Variants in PDE4D observed in about 807,000 individuals in gnomAD.
The protein encoded by PDE4D is phosphodiesterase 4D.
A neutral mutation model predicts 87.4 loss-of-function variants in PDE4D; 24 were observed. The ratio of observed to expected loss-of-function variants is 0.27; its 90% CI spans 0.20 to 0.39. The LOEUF (loss-of-function observed/expected upper bound fraction) is 0.39, where lower values mean the gene tolerates loss of function less well. Ranked by LOEUF, PDE4D falls within the 10% of genes least tolerant of loss-of-function variation. The pLI, the probability that PDE4D is intolerant of heterozygous loss-of-function variation, is 1.00. For missense variants in PDE4D, 714 were observed against 1,041.0 expected (o/e 0.69, Z 4.32); for synonymous variants, 384 against 383.2 (o/e 1.00, Z -0.02).
chr5:60,218,374 T>C (rs1389110040), intron 1 of PDE4D, among the ~76,000 whole-genome samples: 3 of 151,962 alleles, frequency 2.0e-5, no homozygotes, highest in African/African-American at 7.2e-5. Context: ...TGGGAAGGGA[T>C]GAGAAGAGAT....
At chr5:59,385,374 C>G (rs1286666259) in intron 1 of PDE4D, among the ~76,000 whole-genome samples, 2 of 152,186 alleles carry the variant, frequency 1.3e-5, no homozygotes, top group Admixed American at 6.5e-5. Context: ...TGTCTTTACA[C>G]TAGTTCATAG....
rs552455461 is a variant in PDE4D at position 59,837,796 on chromosome 5, A to G, written c.455+55372T>C. 3.3e-5 allele frequency among the ~76,000 whole-genome samples: 5 copies of G among 152,210 alleles called. No homozygotes were observed. In the South Asian group the frequency reaches 1.0e-3, roughly 32 times the overall value. On this transcript the variant is annotated intron_variant, in intron 1 of 14. Coordinates refer to ENST00000340635, the MANE Select transcript of PDE4D (RefSeq NM_001104631.2). Reference sequence around the variant, plus strand: ...TGCAGTTGTGGCAAGAATAACTAGGACACCATTGCTCCTTAAAGATGAAAG... The same window carrying G: ...TGCAGTTGTGGCAAGAATAACTAGGGCACCATTGCTCCTTAAAGATGAAAG...
At chr5:59,181,381 C>T (rs1206015702) in intron 4 of PDE4D, among the ~76,000 whole-genome samples, 2 of 151,368 alleles carry the variant, frequency 1.3e-5, no homozygotes, top group Non-Finnish European at 2.9e-5. Context: ...ACAATGCATC[C>T]AGTATTCCGT....
At chr5:60,404,458 T>C (rs1741371721) in intron 1 of PDE4D, among the ~76,000 whole-genome samples, 1 of 152,154 alleles carries the variant, frequency 6.6e-6, no homozygotes, top group Non-Finnish European at 1.5e-5. Context: ...ACAACTTCAG[T>C]GGCCTAAAGC....
At chr5:60,406,320 A>G (rs1420812465) in intron 1 of PDE4D, among the ~76,000 whole-genome samples, 1 of 152,164 alleles carries the variant, frequency 6.6e-6, no homozygotes, top group African/African-American at 2.4e-5. Flanking sequence ...TTAAAACTAA[A>G]AGGAGGAACC....
chr5:59,963,751 C>G (rs967082178), intron 3 of PDE4D, among the ~76,000 whole-genome samples: 1 of 152,048 alleles, frequency 6.6e-6, no homozygotes, highest in African/African-American at 2.4e-5. Context: ...ATATAACACC[C>G]TCTTCTCACT....
chr5:59,147,218 C>T lies in PDE4D; in HGVS notation c.808+33377G>A, dbSNP rs138619988. On this transcript the variant is annotated intron_variant, in intron 5 of 14. Transcript: ENST00000340635. ...TGTATAGCTACAACACTCAAGAATA[C>T]ATGGCAGTTCCATTTAAATTTTAAA... Among the ~76,000 whole-genome samples the T allele has an allele frequency of 4.1e-3, 623 of 152,300 alleles. 8 individuals are homozygous for T. The highest frequency in any genetic ancestry group is 0.014 in the African/African-American group (594 of 41,564).
intron 2 of PDE4D, among the ~76,000 whole-genome samples, chr5:60,172,174 C>G (rs1783518177): frequency 6.9e-6 from 1 of 145,942 alleles, no homozygotes; most frequent in Non-Finnish European, 1.5e-5. Context: ...TTGGTGAGGT[C>G]CTCAATAAAT....
chr5:59,069,177 T>C lies in PDE4D; in HGVS notation c.809-30206A>G, dbSNP rs116616947. 4.5e-3 allele frequency among the ~76,000 whole-genome samples: 685 copies of C among 152,294 alleles called. 3 individuals are homozygous for C. The highest frequency in any genetic ancestry group is 8.6e-3 in the Admixed American group (132 of 15,288). ...ATAAAGCAAGCATTCCAAAAATCAA[T>C]TTAAATCCATCTTCCTCCTTATACC... On this transcript the variant is annotated intron_variant, in intron 5 of 14. Transcript: ENST00000340635.
chr5:59,358,249 A>G (rs1203309874), intron 1 of PDE4D, among the ~76,000 whole-genome samples: 1 of 152,218 alleles, frequency 6.6e-6, no homozygotes, highest in Non-Finnish European at 1.5e-5. Flanking sequence ...CTTATCAGAC[A>G]TGAGCTCAAA....
intron 5 of PDE4D, among the ~76,000 whole-genome samples, chr5:59,103,464 T>C (rs988379422): frequency 3.3e-5 from 5 of 151,476 alleles, no homozygotes; most frequent in African/African-American, 4.9e-5. Flanking sequence ...GCATTAAATA[T>C]TGGATTTCTT....
Position 59,441,564 on chromosome 5 carries a change from G to A in PDE4D, c.456-225596C>T, listed in dbSNP as rs1336056101. 2.0e-5 allele frequency among the ~76,000 whole-genome samples: 3 copies of A among 152,116 alleles called. No individual in the cohort carries two copies. The East Asian group carries it at 5.8e-4, about 29-fold the overall frequency. On this transcript the variant is annotated intron_variant, in intron 1 of 14. Coordinates refer to ENST00000340635, the MANE Select transcript of PDE4D (RefSeq NM_001104631.2). ...CCTTCTGGACTGATTGCTCCTTGTT[G>A]ATTTCCTCTTAACCTGTGGTATCTG...
intron 1 of PDE4D, among the ~76,000 whole-genome samples, chr5:59,880,274 T>A (rs1175352028): frequency 2.6e-5 from 4 of 152,090 alleles, no homozygotes; most frequent in African/African-American, 9.7e-5. Flanking sequence ...CACACCCAGC[T>A]AATTATTGTA....
intron 3 of PDE4D, chr5:59,988,008 A>G (rs1317882096): frequency 6.5e-6 from 1 of 152,838 alleles, no homozygotes; most frequent in African/African-American, 2.4e-5. Context: ...GCAATACCTC[A>G]AAATGTCAAA....
intron 1 of PDE4D, among the ~76,000 whole-genome samples, chr5:60,186,533 T>C (rs1784797135): frequency 6.6e-6 from 1 of 152,188 alleles, no homozygotes; most frequent in African/African-American, 2.4e-5. Flanking sequence ...TGTGGGCTGA[T>C]ATTTTCTTTC....
chr5:60,333,836 A>G (rs1044304487), intron 1 of PDE4D, among the ~76,000 whole-genome samples: 1 of 152,146 alleles, frequency 6.6e-6, no homozygotes, highest in Non-Finnish European at 1.5e-5. Context: ...TTTTTTCAAC[A>G]TGAGGTTGAA....
At chr5:60,388,968 T>C (rs140175222) in intron 1 of PDE4D, among the ~76,000 whole-genome samples, 18 of 152,300 alleles carry the variant, frequency 1.2e-4, no homozygotes, top group African/African-American at 4.1e-4. Context: ...TTCACTTCTT[T>C]TTTCTTTTTT....
intron 1 of PDE4D, among the ~76,000 whole-genome samples, chr5:59,525,581 T>C (rs1812960505): frequency 1.3e-5 from 2 of 152,216 alleles, no homozygotes; most frequent in South Asian, 4.1e-4. Flanking sequence ...TGGGAAGGCA[T>C]AATTGTGTTT....
chr5:59,385,740 C>T (rs1786845016), intron 1 of PDE4D, among the ~76,000 whole-genome samples: 1 of 152,130 alleles, frequency 6.6e-6, no homozygotes, highest in Non-Finnish European at 1.5e-5. Flanking sequence ...GTTTTAGAAA[C>T]CCCAACTGAA....
Sources: allele counts gnomAD v4.1 joint callset (sites outside exome capture counted in the v4.1 genomes callset), GRCh38; gene constraint gnomAD v4.1.1; transcripts MANE v1.5; gene names NCBI Gene and HGNC (gene_info 2026-07-23, HGNC 2026-07-21).